The following PRPF38B variants were observed in gnomAD, a reference collection of about 807,000 sequenced individuals.
PRPF38B encodes the protein pre-mRNA-splicing factor 38B.
In PRPF38B, 18 loss-of-function variants were observed where a neutral mutation model predicts 67.2. That is an observed-to-expected ratio of 0.27 (90% CI 0.19 to 0.40). PRPF38B has a LOEUF of 0.40. Among genes scored for constraint, PRPF38B ranks in the 10% least tolerant of loss-of-function variants. The pLI is 1.00. For missense variants in PRPF38B, 544 were observed against 684.9 expected, an observed-to-expected ratio of 0.79 and a Z score of 2.30; for synonymous variants, 246 against 234.2, an observed-to-expected ratio of 1.05 and a Z score of -0.46.
intron 1 of PRPF38B, among the ~76,000 whole-genome samples, chr1:108,694,811 A>G (rs866095812): frequency 8.6e-5 from 13 of 151,776 alleles, no homozygotes; most frequent in African/African-American, 3.1e-4. Context: ...TTTGGATTCT[A>G]TTTTAGAGTT....
intron 1 of PRPF38B, chr1:108,693,540 C>T: frequency 1.1e-6 from 1 of 914,892 alleles, no homozygotes; most frequent in Non-Finnish European, 1.3e-6. Flanking sequence ...GGGGAGCTCA[C>T]CTGGCGCCTC....
chr1:108,693,590 G>T, intron 1 of PRPF38B: 1 of 984,914 alleles, frequency 1.0e-6, no homozygotes, highest in Non-Finnish European at 1.2e-6. Context: ...TCGTTAGCAG[G>T]ATTGACTCAG....
chr1:108,696,682 T>G, intron 4 of PRPF38B: 1 of 714,114 alleles, frequency 1.4e-6, no homozygotes, highest in Non-Finnish European at 2.6e-6. Context: ...GAACAGATAA[T>G]AAAAGATATG....
rs568148068 is a variant in PRPF38B, at chr1:108,701,339, T to C, written c.*1319T>C. The C allele has an allele frequency of 1.3e-5, 2 of 152,746 alleles. No individual in the cohort carries two copies. The highest frequency in any genetic ancestry group is 1.3e-4 in the Admixed American group (2 of 15,296). 9.5% of individuals were successfully genotyped at this position (152,746 alleles called of 1,614,324 possible). On this transcript the variant is annotated 3_prime_UTR_variant, in exon 6 of 6. Transcript: ENST00000370025. Reference sequence around the variant, plus strand: ...TTTTGGAGAAATGCATAGACTGGGATTGGGCATGTGGTAATCAATAATCTT... The same window carrying C: ...TTTTGGAGAAATGCATAGACTGGGACTGGGCATGTGGTAATCAATAATCTT...
In PRPF38B at chr1:108,694,894, C is replaced by T. The variant is rs375838970; in HGVS notation, c.277-808C>T. ...GGACTAGTTTTTGTAAGATGTTCCT[C>T]TTAGCAAATATGATACTGTATCATC... is the stretch of plus-strand genomic sequence containing the variant. On this transcript the variant is annotated intron_variant, in intron 1 of 5. Coordinates refer to ENST00000370025, the MANE Select transcript of PRPF38B (RefSeq NM_018061.4). 1.8e-4 allele frequency among the ~76,000 whole-genome samples: 27 copies of T among 152,066 alleles called. 1 individual carries two copies. The highest frequency in any genetic ancestry group is 4.6e-4 in the Admixed American group (7 of 15,272).
chr1:108,692,780 G>C lies in PRPF38B; in HGVS notation c.189G>C (p.Leu63=). Residue 63 remains leucine (L), a synonymous_variant, in exon 1 of 6, where the codon CTG becomes CTC. Transcript: ENST00000370025. ...EKTMNLNPMI[L]TNILSSPYFK... is the part of the protein sequence containing the mutation. ...CCATGAACCTCAACCCCATGATCCT[G>C]ACCAACATCCTGTCGTCGCCTTACT... 4 of 1,614,146 alleles carry C rather than the reference G, an allele frequency of 2.5e-6. No individual in the cohort carries two copies. Among genetic ancestry groups the C allele is most frequent in the Non-Finnish European group, 2.5e-6 (3 of 1,180,036 alleles).
At chr1:108,698,475 T>C (rs1660103133) in intron 4 of PRPF38B, 129 bp from the exon 5 acceptor site, 4 of 713,336 alleles carry the variant, frequency 5.6e-6, no homozygotes, top group Non-Finnish European at 6.9e-6. Flanking sequence ...CAGATCAGGA[T>C]ATGAAAATAA....
intron 1 of PRPF38B, chr1:108,693,684 C>T (rs35517262): frequency 1.1e-6 from 1 of 936,450 alleles, no homozygotes; most frequent in Non-Finnish European, 1.3e-6. Flanking sequence ...AAATGCATTT[C>T]CCTGGTTAAA....
At chr1:108,694,912 G>T (rs780977188) in intron 1 of PRPF38B, among the ~76,000 whole-genome samples, 8 of 148,862 alleles carry the variant, frequency 5.4e-5, no homozygotes, top group Admixed American at 1.3e-4. Flanking sequence ...ATATGATACT[G>T]TATCATCTTT....
At position 108,699,896 on chromosome 1, in the gene PRPF38B, G is replaced by A. The variant is rs774787568; in HGVS notation, c.1517G>A (p.Arg506His). ...KSRKRSRSKERSHKRDHSDSK... is the reference protein window; with the variant it reads ...KSRKRSRSKEHSHKRDHSDSK... ...AGAAAGCGTAGTAGAAGCAAAGAAC[G>A]TTCCCACAAACGAGATCACAGTGAT... Residue 506 changes from arginine to histidine, a missense_variant, in exon 6 of 6, where the codon CGT becomes CAT. Arg to His is a conservative substitution (Grantham distance 29). Transcript: ENST00000370025. The A allele has an allele frequency of 1.4e-5, 23 of 1,613,982 alleles. No homozygotes were observed. The highest frequency in any genetic ancestry group is 8.8e-5 in the South Asian group (8 of 91,082).
At chr1:108,696,429 C>T in intron 4 of PRPF38B, 92 bp downstream of exon 4, 2 of 1,144,520 alleles carry the variant, frequency 1.7e-6, no homozygotes, top group Non-Finnish European at 2.5e-6. Context: ...TCTTCAAGAA[C>T]TTCCTGTAGT....
Position 108,702,296 on chromosome 1 carries a change from G to T in PRPF38B, c.*2276G>T, listed in dbSNP as rs1002102511. 4.6e-5 allele frequency among the ~76,000 whole-genome samples: 7 copies of T among 152,146 alleles called. No homozygotes were observed. Among genetic ancestry groups the T allele is most frequent in the African/African-American group, 1.7e-4 (7 of 41,514 alleles). Reference sequence around the variant, plus strand: ...GCATGCTAGCACACCCGGCTAATTTGTATTTTTGGTAGGGTTGGGATTTCG... The same window carrying T: ...GCATGCTAGCACACCCGGCTAATTTTTATTTTTGGTAGGGTTGGGATTTCG... On this transcript the variant is annotated 3_prime_UTR_variant, in exon 6 of 6. Transcript: ENST00000370025.
rs550281078 is a variant in PRPF38B at position 108,702,067 on chromosome 1, G to A, written c.*2047G>A. ...TAAATTACTTCACATGGAGGTGAAAGAACTATCACCTCGATTGACAGTTCG... is the reference window on the plus strand; with the variant it reads ...TAAATTACTTCACATGGAGGTGAAAAAACTATCACCTCGATTGACAGTTCG... On this transcript the variant is annotated 3_prime_UTR_variant, in exon 6 of 6. Transcript: ENST00000370025. Among the ~76,000 whole-genome samples the A allele has an allele frequency of 1.3e-5, 2 of 152,198 alleles. No individual in the cohort carries two copies. Among genetic ancestry groups the A allele is most frequent in the African/African-American group, 4.8e-5 (2 of 41,454 alleles).
chr1:108,696,380 T>A, intron 4 of PRPF38B, 43 bp downstream of exon 4: 1 of 1,509,090 alleles, frequency 6.6e-7, no homozygotes, highest in East Asian at 2.3e-5. Flanking sequence ...CTGATTACTC[T>A]CATATTTTTA....
intron 5 of PRPF38B, 47 bp downstream of exon 5, chr1:108,698,874 C>G: frequency 1.3e-6 from 2 of 1,497,472 alleles, no homozygotes; most frequent in Non-Finnish European, 1.8e-6. Flanking sequence ...ATGCTTTATA[C>G]AAAATTAATG....
At position 108,698,644 on chromosome 1, in the gene PRPF38B, T is replaced by C. The variant is rs1570692430; in HGVS notation, c.599T>C (p.Ile200Thr). ...GCTGGTGGAGGCTGTGTAATGACCA[T>C]TGGAGAAATGCTACGATCTTTTCTC... ...VKAGGGCVMT[I>T]GEMLRSFLTK... The change falls in exon 5 of 6, where the codon ATT (isoleucine) becomes ACT (threonine). Residue 200 changes from isoleucine (I) to threonine (T), a missense_variant. Ile to Thr is a moderately conservative substitution (Grantham distance 89). Coordinates refer to ENST00000370025, the MANE Select transcript of PRPF38B (RefSeq NM_018061.4). 1 of 1,614,066 alleles carries C rather than the reference T, an allele frequency of 6.2e-7. No homozygotes were observed. Among genetic ancestry groups the C allele is most frequent in the Non-Finnish European group, 8.5e-7 (1 of 1,179,938 alleles).
In PRPF38B at chr1:108,699,966, T is replaced by TA; in HGVS notation, c.1588dup (p.Ile530AsnfsTer11). The TA allele has an allele frequency of 6.2e-7, 1 of 1,607,774 alleles. No individual in the cohort carries two copies. The highest frequency in any genetic ancestry group is 8.5e-7 in the Non-Finnish European group (1 of 1,178,546). On this transcript the variant is annotated frameshift_variant, in exon 6 of 6. Transcript: ENST00000370025. LOFTEE classifies it high-confidence loss of function. ...AACATGATCGTCGAAGGAGCCAAAG[T>TA]ATAGAACAAGAGAGCCAAGAAAAAC...
chr1:108,701,737 A>G lies in PRPF38B; in HGVS notation c.*1717A>G, dbSNP rs899359045. On this transcript the variant is annotated 3_prime_UTR_variant, in exon 6 of 6. Coordinates refer to ENST00000370025, the MANE Select transcript of PRPF38B (RefSeq NM_018061.4). ...ACGAGTACACTTGCAAGAGTCCTCC[A>G]TATGTGGGCTTAACATATGTACCAC... is the stretch of plus-strand genomic sequence containing the variant. 4 of 152,210 alleles carry G rather than the reference A, an allele frequency of 2.6e-5. No homozygotes were observed. Among genetic ancestry groups the G allele is most frequent in the African/African-American group, 9.7e-5 (4 of 41,442 alleles). 9.4% of individuals were successfully genotyped at this position (152,210 alleles called of 1,614,324 possible). A position where few individuals can be genotyped will look rare whatever the true frequency, so the allele number is the denominator to read the frequency against.
At position 108,692,606 on chromosome 1, in the gene PRPF38B, C is replaced by T. The variant is rs752510486; in HGVS notation, c.15C>T (p.Ser5=). The T allele has an allele frequency of 1.4e-5, 22 of 1,596,906 alleles. No homozygotes were observed. Among genetic ancestry groups the T allele is most frequent in the Non-Finnish European group, 8.5e-6 (10 of 1,172,598 alleles). The change falls in exon 1 of 6, where the codon AGC becomes AGT. Residue 5 remains serine (S), a synonymous_variant. Coordinates refer to ENST00000370025, the MANE Select transcript of PRPF38B (RefSeq NM_018061.4). Reference sequence around the variant, plus strand: ...TCCGCCGCAACATGGCTAACAACAGCCCCGCGCTGACAGGCAACTCGCAGC... The same window carrying T: ...TCCGCCGCAACATGGCTAACAACAGTCCCGCGCTGACAGGCAACTCGCAGC... MANN[S]PALTGNSQPQ...
Sources: gnomAD v4.1 joint callset for allele counts (sites outside exome capture counted in the v4.1 genomes callset) on GRCh38, gnomAD v4.1.1 for gene constraint, MANE v1.5 for transcripts, NCBI Gene and HGNC (gene_info 2026-07-23, HGNC 2026-07-21) for gene names.